The following SGCZ variants were observed in gnomAD, a reference collection of about 807,000 sequenced individuals.
SGCZ encodes zeta-sarcoglycan.
In SGCZ, 40 loss-of-function variants were observed where a neutral mutation model predicts 41.3. The observed-to-expected ratio is 0.97, with a 90% CI of 0.75 to 1.26. The LOEUF (loss-of-function observed/expected upper bound fraction) is 1.26. Among genes scored for constraint, SGCZ ranks in the 50% most tolerant of loss-of-function variants. SGCZ has a pLI of 0.00. For synonymous variants in SGCZ, 206 were observed against 137.5 expected, an observed-to-expected ratio of 1.50 and a Z score of -3.49; for missense variants, 552 against 369.8, an observed-to-expected ratio of 1.49 and a Z score of -4.04.
Position 15,076,260 on chromosome 8 carries a change from T to A in SGCZ, c.39+161325A>T, listed in dbSNP as rs147998672. On this transcript the variant is annotated intron_variant, in intron 1 of 7. Transcript: ENST00000382080. The stretch of plus-strand genomic sequence containing the variant: ...ACTTTTTGGAAAGAGAGGATTATTA[T>A]AACAAAGAGAGCAGAAAGAAAGAGG... Among the ~76,000 whole-genome samples the A allele has an allele frequency of 2.0e-5, 3 of 152,176 alleles. No homozygotes were observed. The East Asian group carries it at 5.8e-4, about 29-fold the overall frequency.
intron 1 of SGCZ, among the ~76,000 whole-genome samples, chr8:14,674,928 G>GTTTTTTTTTTTTTTTT (rs201881681): frequency 1.4e-5 from 1 of 71,010 alleles, no homozygotes; most frequent in African/African-American, 5.1e-5. Context: ...TTTCTTTTCT[G>GTTTTTTTTTTTTTTTT]TTTTTTTTTT....
At chr8:14,988,426 T>C (rs1156486590) in intron 1 of SGCZ, among the ~76,000 whole-genome samples, 1 of 152,102 alleles carries the variant, frequency 6.6e-6, no homozygotes, top group Non-Finnish European at 1.5e-5. Flanking sequence ...TTAGTGTTTC[T>C]ATAGAAACTT....
chr8:14,392,057 A>G (rs1018512284), intron 2 of SGCZ, among the ~76,000 whole-genome samples: 1 of 152,170 alleles, frequency 6.6e-6, no homozygotes, highest in Non-Finnish European at 1.5e-5. Context: ...GATCCAAACT[A>G]TAGCAAGGGG....
At chr8:14,646,202 G>C (rs1807209546) in intron 1 of SGCZ, among the ~76,000 whole-genome samples, 1 of 150,892 alleles carries the variant, frequency 6.6e-6, no homozygotes, top group African/African-American at 2.5e-5. Context: ...TACTGCTCCT[G>C]ACTCCCCCTT....
At chr8:14,946,382 G>A (rs1410518229) in intron 1 of SGCZ, among the ~76,000 whole-genome samples, 1 of 151,850 alleles carries the variant, frequency 6.6e-6, no homozygotes, top group African/African-American at 2.4e-5. Flanking sequence ...GCTCTCCGCA[G>A]TCCCAAACTT....
At chr8:14,194,972 C>A (rs1805219299) in intron 4 of SGCZ, among the ~76,000 whole-genome samples, 1 of 152,060 alleles carries the variant, frequency 6.6e-6, no homozygotes, top group African/African-American at 2.4e-5. Context: ...ATCTGTTCAA[C>A]TAACTTAATT....
chr8:14,587,395 G>C (rs567321157), intron 1 of SGCZ, among the ~76,000 whole-genome samples: 2 of 151,252 alleles, frequency 1.3e-5, no homozygotes, highest in Admixed American at 1.3e-4. Context: ...AAAAAGTTTG[G>C]GTGTTGTGGC....
intron 5 of SGCZ, among the ~76,000 whole-genome samples, chr8:14,137,368 T>C (rs554003235): frequency 2.0e-5 from 3 of 152,234 alleles, no homozygotes; most frequent in South Asian, 2.1e-4. Flanking sequence ...AGATCAGTAA[T>C]AACAAACTCC....
At chr8:15,181,126 A>G (rs988896778) in intron 1 of SGCZ, among the ~76,000 whole-genome samples, 3 of 152,198 alleles carry the variant, frequency 2.0e-5, no homozygotes, top group Non-Finnish European at 4.4e-5. Flanking sequence ...ATGAGAAAAA[A>G]TTACACTGTG....
At chr8:14,553,098 C>G (rs1374477794) in intron 2 of SGCZ, among the ~76,000 whole-genome samples, 2 of 152,136 alleles carry the variant, frequency 1.3e-5, no homozygotes, top group Middle Eastern at 3.4e-3. Context: ...AAAGAATGTG[C>G]AGGAGCATAA....
At chr8:14,966,338 T>G (rs1801126276) in intron 1 of SGCZ, among the ~76,000 whole-genome samples, 1 of 151,704 alleles carries the variant, frequency 6.6e-6, no homozygotes, top group South Asian at 2.1e-4. Flanking sequence ...TATATTCAAT[T>G]GTATATTATT....
intron 1 of SGCZ, among the ~76,000 whole-genome samples, chr8:14,654,991 A>G (rs1258582377): frequency 6.6e-6 from 1 of 152,054 alleles, no homozygotes; most frequent in East Asian, 1.9e-4. Flanking sequence ...TGCCACAGCC[A>G]TGTTAGACAT....
intron 1 of SGCZ, among the ~76,000 whole-genome samples, chr8:15,089,752 C>G (rs546686743): frequency 6.6e-6 from 1 of 152,020 alleles, no homozygotes; most frequent in Non-Finnish European, 1.5e-5. Context: ...CTTACAGCTG[C>G]GTCATGTACA....
chr8:14,616,880 A>T (rs1415510820), intron 1 of SGCZ, among the ~76,000 whole-genome samples: 1 of 152,172 alleles, frequency 6.6e-6, no homozygotes, highest in Non-Finnish European at 1.5e-5. Flanking sequence ...TCCTTAAGGA[A>T]CTTAAAAATT....
At chr8:14,104,883 G>C (rs1802153800) in intron 6 of SGCZ, among the ~76,000 whole-genome samples, 1 of 151,968 alleles carries the variant, frequency 6.6e-6, no homozygotes, top group Admixed American at 6.6e-5. Flanking sequence ...ATCTGCACTT[G>C]GATTCTGTAA....
At chr8:14,642,774 T>C (rs1325362122) in intron 1 of SGCZ, among the ~76,000 whole-genome samples, 1 of 151,540 alleles carries the variant, frequency 6.6e-6, no homozygotes, top group Non-Finnish European at 1.5e-5. Context: ...ATAATATATA[T>C]ATCTAAGCAA....
chr8:14,146,890 A>AAAAAAAAAAAAATAAT, intron 5 of SGCZ, among the ~76,000 whole-genome samples: 1 of 116,266 alleles, frequency 8.6e-6, no homozygotes, highest in East Asian at 2.4e-4. Flanking sequence ...AAAATAAAAA[A>AAAAAAAAAAAAATAAT]AATAATAATA....
At chr8:14,312,858 G>A (rs1412962713) in intron 3 of SGCZ, among the ~76,000 whole-genome samples, 1 of 152,098 alleles carries the variant, frequency 6.6e-6, no homozygotes, top group Admixed American at 6.6e-5. Context: ...AAACTACACA[G>A]CATGAATCTG....
chr8:14,673,128 C>T (rs559750294), intron 1 of SGCZ, among the ~76,000 whole-genome samples: 48 of 152,158 alleles, frequency 3.2e-4, no homozygotes, highest in Non-Finnish European at 6.0e-4. Flanking sequence ...ATCCCATTAT[C>T]CCATCTATAC....
Sources: allele counts gnomAD v4.1 joint callset (sites outside exome capture counted in the v4.1 genomes callset), GRCh38; gene constraint gnomAD v4.1.1; transcripts MANE v1.5; gene names NCBI Gene and HGNC (gene_info 2026-07-23, HGNC 2026-07-21).